Variants in ZNF600 observed in about 807,000 individuals in gnomAD.
ZNF600 encodes the protein zinc finger protein KR-ZNF1.
In ZNF600, 4 loss-of-function variants were observed where a neutral mutation model predicts 7.3. That is an observed-to-expected ratio of 0.55 (90% confidence interval 0.27 to 1.25). ZNF600 has a LOEUF of 1.25. Ranked by LOEUF, ZNF600 falls within the 50% of genes most tolerant of loss-of-function variation. The pLI, the probability that ZNF600 is intolerant of heterozygous loss-of-function variation, is 0.12. For synonymous variants in ZNF600, 290 were observed against 308.9 expected, an observed-to-expected ratio of 0.94 and a Z score of 0.64; for missense variants, 911 against 922.1, an observed-to-expected ratio of 0.99 and a Z score of 0.16.
intron 3 of ZNF600, among the ~76,000 whole-genome samples, chr19:52,770,029 G>T (rs1246821532): frequency 6.6e-6 from 1 of 152,056 alleles, no homozygotes; most frequent in Non-Finnish European, 1.5e-5. Context: ...TCCCTCTTAA[G>T]AAAAAAGCCA....
chr19:52,766,920 C>G, exon 4 of ZNF600: 1 of 1,614,176 alleles, frequency 6.2e-7, no homozygotes, highest in Non-Finnish European at 8.5e-7. Context: ...AGCTTTGTCA[C>G]ATTCATTACA....
the ZNF600 span, among the ~76,000 whole-genome samples, chr19:52,802,493 T>C: frequency 6.6e-6 from 1 of 152,060 alleles, no homozygotes; most frequent in Middle Eastern, 3.2e-3. Context: ...GCCTGGCCAA[T>C]GTGGCAAAAC....
chr19:52,828,961 C>T, the ZNF600 span, among the ~76,000 whole-genome samples: 6 of 152,046 alleles, frequency 3.9e-5, no homozygotes, highest in African/African-American at 9.7e-5. Flanking sequence ...CCCAGATTCA[C>T]GCCATTCTCC....
At chr19:52,806,402 C>T in the ZNF600 span, among the ~76,000 whole-genome samples, 2 of 152,022 alleles carry the variant, frequency 1.3e-5, no homozygotes, top group Non-Finnish European at 1.5e-5. Flanking sequence ...ACATGTTAAC[C>T]AGGCTAGTTT....
At chr19:52,811,274 T>C in the ZNF600 span, among the ~76,000 whole-genome samples, 1 of 151,444 alleles carries the variant, frequency 6.6e-6, no homozygotes, top group African/African-American at 2.4e-5. Context: ...TGCCTTGGCC[T>C]CCCAAAGAGC....
the ZNF600 span, among the ~76,000 whole-genome samples, chr19:52,792,413 A>G: frequency 0.011 from 1,643 of 152,216 alleles, 44 homozygotes; most frequent in African/African-American, 0.037. Flanking sequence ...TGCCTCATCC[A>G]AAAGGCTAAT....
At chr19:52,785,592 T>G (rs10416295) in intron 1 of ZNF600, among the ~76,000 whole-genome samples, 129,001 of 151,956 alleles carry the variant, frequency 0.85, 55,568 homozygotes, top group Non-Finnish European at 0.9. Flanking sequence ...TCTTTCAATC[T>G]TCCTCAATGT....
At chr19:52,821,553 C>T in the ZNF600 span, 1 of 152,184 alleles carries the variant, frequency 6.6e-6, no homozygotes, top group Non-Finnish European at 1.5e-5. Flanking sequence ...ACCTGGGAAG[C>T]TCAGACTTAA....
At chr19:52,812,411 T>C in the ZNF600 span, among the ~76,000 whole-genome samples, 1 of 133,794 alleles carries the variant, frequency 7.5e-6, no homozygotes, top group African/African-American at 3.3e-5. Context: ...TTTCATTTTG[T>C]TCTGTACTAA....
the ZNF600 span, chr19:52,798,508 G>C: frequency 2.0e-6 from 1 of 509,436 alleles, no homozygotes; most frequent in Non-Finnish European, 4.0e-6. Context: ...TTACCACACT[G>C]ATGACATTTG....
the ZNF600 span, chr19:52,814,436 C>T: frequency 6.9e-6 from 1 of 145,128 alleles, no homozygotes; most frequent in South Asian, 2.3e-4. Flanking sequence ...CCTAAAAATA[C>T]AAAAAAAATT....
chr19:52,793,147 G>A, the ZNF600 span, among the ~76,000 whole-genome samples: 1 of 152,100 alleles, frequency 6.6e-6, no homozygotes, highest in African/African-American at 2.4e-5. Flanking sequence ...TTGATGGTTT[G>A]CTATACTCAG....
At chr19:52,766,098 G>C in exon 4 of ZNF600, 1 of 1,614,152 alleles carries the variant, frequency 6.2e-7, no homozygotes, top group Non-Finnish European at 8.5e-7. Context: ...ACACTTGTAA[G>C]GTTTCTCACC....
the ZNF600 span, chr19:52,814,471 A>G: frequency 6.9e-6 from 1 of 145,960 alleles, no homozygotes. Context: ...GCACGTGACT[A>G]TAATCCCAGC....
At chr19:52,776,507 G>A (rs1334233698) in intron 2 of ZNF600, among the ~76,000 whole-genome samples, 1 of 151,816 alleles carries the variant, frequency 6.6e-6, no homozygotes, top group Non-Finnish European at 1.5e-5. Flanking sequence ...GGCCACCCAG[G>A]TTCAAGCAAT....
chr19:52,818,282 A>C, the ZNF600 span, among the ~76,000 whole-genome samples: 1 of 152,042 alleles, frequency 6.6e-6, no homozygotes, highest in East Asian at 1.9e-4. Context: ...TAAATACAAA[A>C]ACTTAGCCAG....
At chr19:52,781,776 AC>A (rs770443857) in intron 1 of ZNF600, among the ~76,000 whole-genome samples, 222 of 147,224 alleles carry the variant, frequency 1.5e-3, no homozygotes, top group Non-Finnish European at 2.7e-3. Context: ...AAAAAAAAAA[AC>A]AGCGGTCAGG....
chr19:52,786,336 C>A (rs2147592164), intron 1 of ZNF600, among the ~76,000 whole-genome samples: 1 of 152,276 alleles, frequency 6.6e-6, no homozygotes, highest in South Asian at 2.1e-4. Flanking sequence ...AGGCAGAGGA[C>A]GCAGCCTCCC....
exon 4 of ZNF600, chr19:52,766,463 A>T: frequency 6.2e-7 from 1 of 1,613,736 alleles, no homozygotes; most frequent in Non-Finnish European, 8.5e-7. Context: ...TTGACTTATG[A>T]ATTAGAAGAT....
Sources: gnomAD v4.1 joint callset for allele counts (sites outside exome capture counted in the v4.1 genomes callset) on GRCh38, gnomAD v4.1.1 for gene constraint, MANE v1.5 for transcripts, NCBI Gene and HGNC (gene_info 2026-07-23, HGNC 2026-07-21) for gene names.